Variants in RARB observed in about 807,000 individuals in gnomAD.
The protein encoded by RARB is HBV-activated protein.
A neutral mutation model predicts 51.9 loss-of-function variants in RARB; 17 were observed. The observed-to-expected ratio is 0.33, with a 90% confidence interval of 0.22 to 0.49. The LOEUF (loss-of-function observed/expected upper bound fraction) is 0.49. Among genes scored for constraint, RARB ranks in the 20% least tolerant of loss-of-function variants. The pLI is 0.99. For synonymous variants in RARB, 215 were observed against 195.4 expected, an observed-to-expected ratio of 1.10 and a Z score of -0.84; for missense variants, 369 against 550.8, an observed-to-expected ratio of 0.67 and a Z score of 3.30.
At chr3:25,103,630 C>A (rs1471299226) in intron 3 of RARB, among the ~76,000 whole-genome samples, 1 of 152,214 alleles carries the variant, frequency 6.6e-6, no homozygotes, top group Non-Finnish European at 1.5e-5. Context: ...GAGCTGGAAA[C>A]AATACAGATC....
chr3:25,319,123 T>C (rs1383461697), intron 5 of RARB, among the ~76,000 whole-genome samples: 1 of 152,212 alleles, frequency 6.6e-6, no homozygotes, highest in Non-Finnish European at 1.5e-5. Context: ...AAGAAAATTC[T>C]TATATGGCAA....
At chr3:24,884,756 T>A (rs139491288) in intron 2 of RARB, among the ~76,000 whole-genome samples, 185 of 152,296 alleles carry the variant, frequency 1.2e-3, no homozygotes, top group African/African-American at 3.9e-3. Context: ...CTCGATAACA[T>A]CTAATTAACT....
At chr3:25,571,714 G>A (rs149296710) in intron 4 of RARB, among the ~76,000 whole-genome samples, 2 of 152,320 alleles carry the variant, frequency 1.3e-5, no homozygotes, top group Admixed American at 6.5e-5. Context: ...GCCCCATGAC[G>A]GTGAACAAAT....
intron 5 of RARB, among the ~76,000 whole-genome samples, chr3:25,233,961 C>G (rs1702244562): frequency 6.6e-6 from 1 of 151,980 alleles, no homozygotes; most frequent in African/African-American, 2.4e-5. Context: ...TTTTTACATT[C>G]AATTTACTAA....
intron 4 of RARB, among the ~76,000 whole-genome samples, chr3:25,154,630 A>C (rs1700345207): frequency 6.6e-6 from 1 of 152,230 alleles, no homozygotes; most frequent in Non-Finnish European, 1.5e-5. Flanking sequence ...GGGTACATGC[A>C]GGAGAAAAGT....
intron 1 of RARB, among the ~76,000 whole-genome samples, chr3:24,834,898 C>T (rs1036503566): frequency 1.3e-5 from 2 of 152,030 alleles, no homozygotes; most frequent in Non-Finnish European, 2.9e-5. Context: ...TTTCCCTTTT[C>T]CTTTTATTTC....
intron 3 of RARB, among the ~76,000 whole-genome samples, chr3:25,094,646 GGCA>G (rs1310343844): frequency 7.1e-6 from 1 of 141,444 alleles, no homozygotes; most frequent in Non-Finnish European, 1.5e-5. Flanking sequence ...GAGCCCAGGA[GGCA>G]GAGGGTGCAG....
At chr3:25,267,422 A>T (rs551394323) in intron 5 of RARB, among the ~76,000 whole-genome samples, 2 of 152,180 alleles carry the variant, frequency 1.3e-5, no homozygotes, top group East Asian at 3.9e-4. Context: ...ACCTCACATT[A>T]CCGCTGCCTA....
At chr3:25,471,004 G>A (rs1695659266) in intron 2 of RARB, among the ~76,000 whole-genome samples, 5 of 152,108 alleles carry the variant, frequency 3.3e-5, no homozygotes, top group Admixed American at 2.6e-4. Context: ...ACAGTAATTA[G>A]TGTAGTTATA....
intron 5 of RARB, among the ~76,000 whole-genome samples, chr3:25,321,240 A>G (rs992226337): frequency 3.3e-5 from 5 of 152,184 alleles, no homozygotes; most frequent in Non-Finnish European, 7.3e-5. Context: ...TGGGAACTTG[A>G]CCAAAATGAC....
At chr3:25,547,960 TAA>T (rs1021735914) in intron 3 of RARB, among the ~76,000 whole-genome samples, 2 of 152,284 alleles carry the variant, frequency 1.3e-5, no homozygotes, top group East Asian at 3.9e-4. Context: ...TGGAAGTAAG[TAA>T]AGAGACACAT....
At chr3:25,234,310 G>C (rs545255867) in intron 5 of RARB, among the ~76,000 whole-genome samples, 58 of 152,122 alleles carry the variant, frequency 3.8e-4, no homozygotes, top group Non-Finnish European at 6.3e-4. Context: ...AAAGGAATTG[G>C]TCCATTTCAT....
chr3:25,267,834 C>G (rs1053411319), intron 5 of RARB, among the ~76,000 whole-genome samples: 1 of 152,148 alleles, frequency 6.6e-6, no homozygotes, highest in Admixed American at 6.6e-5. Flanking sequence ...GATAATGTCA[C>G]AGAATTAAGT....
At chr3:25,469,078 C>G (rs1695576068) in intron 2 of RARB, among the ~76,000 whole-genome samples, 2 of 152,346 alleles carry the variant, frequency 1.3e-5, no homozygotes, top group South Asian at 4.1e-4. Context: ...TCCCTCAGGG[C>G]TAATTTTGTC....
chr3:25,242,233 A>T (rs1702449727), intron 5 of RARB, among the ~76,000 whole-genome samples: 1 of 152,026 alleles, frequency 6.6e-6, no homozygotes, highest in Non-Finnish European at 1.5e-5. Context: ...AGATAGCAAA[A>T]ATTTTCTCCC....
At chr3:24,977,548 T>C (rs1386289651) in intron 2 of RARB, among the ~76,000 whole-genome samples, 2 of 152,206 alleles carry the variant, frequency 1.3e-5, no homozygotes, top group African/African-American at 4.8e-5. Context: ...TCACTCATGA[T>C]TTAGCTGTCT....
intron 5 of RARB, among the ~76,000 whole-genome samples, chr3:25,309,341 G>A (rs769091215): frequency 1.1e-3 from 172 of 149,836 alleles, no homozygotes; most frequent in Middle Eastern, 3.4e-3. Context: ...GGGTTTCACC[G>A]TGTTAGCCAG....
chr3:25,242,084 G>GT (rs974186397), intron 5 of RARB, among the ~76,000 whole-genome samples: 3 of 152,088 alleles, frequency 2.0e-5, no homozygotes, highest in Non-Finnish European at 4.4e-5. Flanking sequence ...CTTTTCATAT[G>GT]TTTTTTGGCC....
chr3:25,554,257 G>C (rs1699962898), intron 3 of RARB, among the ~76,000 whole-genome samples: 1 of 149,934 alleles, frequency 6.7e-6, no homozygotes. Flanking sequence ...AAACATGAGG[G>C]GGTGAGTATT....
Sources: allele counts gnomAD v4.1 joint callset (sites outside exome capture counted in the v4.1 genomes callset), GRCh38; gene constraint gnomAD v4.1.1; transcripts MANE v1.5; gene names NCBI Gene and HGNC (gene_info 2026-07-23, HGNC 2026-07-21).